YTHDF3: variants seen among roughly 807,000 people sequenced by gnomAD.
YTHDF3 encodes the protein YTH domain-containing family protein 3.
YTHDF3 carries 9 observed loss-of-function variants against 52.5 expected under a neutral mutation model. That is an observed-to-expected ratio of 0.17 (90% confidence interval 0.10 to 0.30). The LOEUF (loss-of-function observed/expected upper bound fraction) is 0.30. YTHDF3 is among the 10% of genes least tolerant of loss of function. The pLI is 1.00. For synonymous variants in YTHDF3, 274 were observed against 243.3 expected (o/e 1.13, Z -1.18); for missense variants, 534 against 715.0 (o/e 0.75, Z 2.89).
At chr8:63,204,169 G>C (rs566767528) in intron 4 of YTHDF3, among the ~76,000 whole-genome samples, 32 of 151,678 alleles carry the variant, frequency 2.1e-4, no homozygotes, top group African/African-American at 7.3e-4. Context: ...TTTTTGTCTT[G>C]GATCTATCCT....
intron 4 of YTHDF3, among the ~76,000 whole-genome samples, chr8:63,207,253 G>A (rs979964612): frequency 1.3e-5 from 2 of 152,154 alleles, no homozygotes; most frequent in South Asian, 2.1e-4. Flanking sequence ...AGTTGTATGA[G>A]TCTTCATTTG....
intron 4 of YTHDF3, among the ~76,000 whole-genome samples, chr8:63,201,917 G>A (rs1809666878): frequency 6.6e-6 from 1 of 152,152 alleles, no homozygotes; most frequent in South Asian, 2.1e-4. Context: ...TCTGTTACCA[G>A]GTCTTTTTTC....
intron 4 of YTHDF3, among the ~76,000 whole-genome samples, chr8:63,206,352 C>T (rs565299828): frequency 3.3e-5 from 5 of 152,250 alleles, no homozygotes; most frequent in South Asian, 2.1e-4. Context: ...TGTGAGCCAC[C>T]GTGCCTGGCT....
intron 1 of YTHDF3, 134 bp downstream of exon 1, chr8:63,169,035 G>C (rs894044520): frequency 1.5e-5 from 21 of 1,445,192 alleles, no homozygotes; most frequent in Non-Finnish European, 1.8e-5. Context: ...TTGCTGCGGT[G>C]TAGCTACCCG....
chr8:63,180,557 C>T (rs1345964487), intron 3 of YTHDF3, among the ~76,000 whole-genome samples: 1 of 152,166 alleles, frequency 6.6e-6, no homozygotes, highest in Non-Finnish European at 1.5e-5. Flanking sequence ...ACGCTCCTCA[C>T]TTCCCAGACG....
chr8:63,182,832 G>A (rs1447542020), intron 3 of YTHDF3, among the ~76,000 whole-genome samples: 5 of 151,680 alleles, frequency 3.3e-5, no homozygotes, highest in Non-Finnish European at 7.4e-5. Context: ...TTTAGAATGA[G>A]TATCTTATAT....
intron 2 of YTHDF3, among the ~76,000 whole-genome samples, chr8:63,173,173 C>CA (rs922063318): frequency 2.5e-4 from 27 of 106,542 alleles, no homozygotes; most frequent in Non-Finnish European, 2.1e-4. Context: ...AATAATAGAA[C>CA]AAAAAAAATA....
At chr8:63,178,782 TTAAG>T (rs1807871731) in intron 3 of YTHDF3, among the ~76,000 whole-genome samples, 1 of 152,200 alleles carries the variant, frequency 6.6e-6, no homozygotes, top group South Asian at 2.1e-4. Context: ...GTATGAGAAT[TTAAG>T]TACTCTCAAT....
rs1810405415 is a variant in YTHDF3 at position 63,212,241 on chromosome 8, G to A, written c.*2535G>A. Reference sequence around the variant, plus strand: ...TATAGTTTGTATATTTAACAGTAAGGAGGAAACTGTAACCAAAATTAGTAT... The same window carrying A: ...TATAGTTTGTATATTTAACAGTAAGAAGGAAACTGTAACCAAAATTAGTAT... On this transcript the variant is annotated 3_prime_UTR_variant, in exon 5 of 5. Coordinates refer to ENST00000539294, the MANE Select transcript of YTHDF3 (RefSeq NM_152758.6). The A allele has an allele frequency of 6.6e-6, 1 of 152,574 alleles. No individual in the cohort carries two copies. Among genetic ancestry groups the A allele is most frequent in the Non-Finnish European group, 1.5e-5 (1 of 67,994 alleles). 9.5% of individuals were successfully genotyped at this position (152,574 alleles called of 1,614,324 possible). A position where few individuals can be genotyped will look rare whatever the true frequency, so the allele number is the denominator to read the frequency against.
intron 3 of YTHDF3, among the ~76,000 whole-genome samples, chr8:63,180,746 C>T (rs942881648): frequency 5.9e-5 from 9 of 152,336 alleles, no homozygotes; most frequent in African/African-American, 2.2e-4. Context: ...CCGAGGCTGG[C>T]GGATCACTCG....
chr8:63,191,240 C>G (rs1808893873), intron 4 of YTHDF3, among the ~76,000 whole-genome samples: 1 of 152,036 alleles, frequency 6.6e-6, no homozygotes, highest in Admixed American at 6.6e-5. Flanking sequence ...TTTCTGTAAT[C>G]CTTTGTCTGC....
At chr8:63,185,407 A>G (rs1041814972) in intron 3 of YTHDF3, among the ~76,000 whole-genome samples, 2 of 152,126 alleles carry the variant, frequency 1.3e-5, no homozygotes, top group African/African-American at 4.8e-5. Context: ...ACTAAATTAA[A>G]AAAAACCCAA....
chr8:63,206,938 T>G (rs149928242), intron 4 of YTHDF3, among the ~76,000 whole-genome samples: 145 of 152,334 alleles, frequency 9.5e-4, no homozygotes, highest in Admixed American at 1.7e-3. Flanking sequence ...TGACATTTAC[T>G]AAGATTCACT....
chr8:63,172,779 G>A, intron 2 of YTHDF3: 1 of 1,231,422 alleles, frequency 8.1e-7, no homozygotes. Flanking sequence ...ATAGAGCAGA[G>A]GAAACAGGCG....
At position 63,182,650 on chromosome 8, in the gene YTHDF3, A is replaced by G. The variant is rs958995723; in HGVS notation, c.136-3497A>G. ...AACTTCCTACTTTGTGTGCTTTTCC[A>G]CTCCCACATCCAGATAAAGACTACT... On this transcript the variant is annotated intron_variant, in intron 3 of 4. Transcript: ENST00000539294. Among the ~76,000 whole-genome samples the G allele has an allele frequency of 3.3e-5, 5 of 152,164 alleles. No individual in the cohort carries two copies. In the East Asian group the frequency reaches 9.6e-4, roughly 29 times the overall value.
At chr8:63,173,966 A>T (rs575660141) in intron 2 of YTHDF3, among the ~76,000 whole-genome samples, 176 of 152,234 alleles carry the variant, frequency 1.2e-3, no homozygotes, top group Admixed American at 2.2e-3. Flanking sequence ...CAGTAACATC[A>T]TATCTTTGAT....
intron 4 of YTHDF3, among the ~76,000 whole-genome samples, chr8:63,193,248 C>T (rs1809024537): frequency 6.6e-6 from 1 of 151,688 alleles, no homozygotes; most frequent in Non-Finnish European, 1.5e-5. Flanking sequence ...CATGGTGGTG[C>T]ATGCCTGTAG....
chr8:63,184,209 C>T (rs1207650310), intron 3 of YTHDF3, among the ~76,000 whole-genome samples: 1 of 152,008 alleles, frequency 6.6e-6, no homozygotes, highest in Non-Finnish European at 1.5e-5. Context: ...AATAAAAAAC[C>T]AACATAGTCT....
chr8:63,204,871 T>C (rs1809909860), intron 4 of YTHDF3, among the ~76,000 whole-genome samples: 1 of 152,212 alleles, frequency 6.6e-6, no homozygotes, highest in African/African-American at 2.4e-5. Flanking sequence ...TTGCTAATGG[T>C]GATAAATCTA....
Sources: gnomAD v4.1 joint callset for allele counts (sites outside exome capture counted in the v4.1 genomes callset) on GRCh38, gnomAD v4.1.1 for gene constraint, MANE v1.5 for transcripts, NCBI Gene and HGNC (gene_info 2026-07-23, HGNC 2026-07-21) for gene names.